SKAP2: variants seen among roughly 807,000 people sequenced by gnomAD.
SKAP2 encodes the protein src kinase-associated phosphoprotein 2.
In SKAP2, 28 loss-of-function variants were observed where a neutral mutation model predicts 54.9. The observed-to-expected ratio is 0.51, with a 90% CI of 0.38 to 0.70. SKAP2 has a LOEUF of 0.70. Ranked by LOEUF, SKAP2 falls within the 30% of genes least tolerant of loss-of-function variation. The probability of loss-of-function intolerance (pLI) is 0.00; values close to 1 mark genes in which losing one functional copy is unlikely to be tolerated. For synonymous variants in SKAP2, 137 were observed against 134.3 expected (o/e 1.02, Z -0.14); for missense variants, 356 against 424.1 (o/e 0.84, Z 1.41).
intron 4 of SKAP2, among the ~76,000 whole-genome samples, chr7:26,837,480 C>A (rs1310027215): frequency 2.6e-5 from 4 of 151,994 alleles, no homozygotes; most frequent in Admixed American, 2.6e-4. Flanking sequence ...GCACAACACA[C>A]GGTAAAAGAA....
At chr7:26,725,009 G>T (rs1474745283) in intron 9 of SKAP2, among the ~76,000 whole-genome samples, 1 of 152,092 alleles carries the variant, frequency 6.6e-6, no homozygotes, top group Non-Finnish European at 1.5e-5. Flanking sequence ...CGAGGCAGAA[G>T]TTGGTAACAT....
At chr7:26,721,950 T>G (rs1190281470) in intron 9 of SKAP2, among the ~76,000 whole-genome samples, 1 of 152,218 alleles carries the variant, frequency 6.6e-6, no homozygotes, top group Non-Finnish European at 1.5e-5. Context: ...TACAAACCTG[T>G]GCTGAGCCAA....
chr7:26,702,691 A>G (rs998771958), intron 9 of SKAP2, among the ~76,000 whole-genome samples: 5 of 152,160 alleles, frequency 3.3e-5, no homozygotes, highest in African/African-American at 1.2e-4. Context: ...GCTGTGCCCT[A>G]CAGTAATAGC....
At chr7:26,705,196 AT>A (rs58384394) in intron 9 of SKAP2, among the ~76,000 whole-genome samples, 1 of 152,072 alleles carries the variant, frequency 6.6e-6, no homozygotes, top group African/African-American at 2.4e-5. Context: ...ATAACAACTG[AT>A]TTTTTTTAAA....
At chr7:26,828,367 G>C (rs1471807140) in intron 4 of SKAP2, among the ~76,000 whole-genome samples, 1 of 152,120 alleles carries the variant, frequency 6.6e-6, no homozygotes, top group Non-Finnish European at 1.5e-5. Flanking sequence ...GAGAATTCAA[G>C]AGTTCACTGA....
At chr7:26,764,179 T>C (rs1392707698) in intron 4 of SKAP2, among the ~76,000 whole-genome samples, 2 of 152,194 alleles carry the variant, frequency 1.3e-5, no homozygotes, top group African/African-American at 4.8e-5. Context: ...CGTGACTTGA[T>C]ATGTATGTGT....
chr7:26,762,544 A>T (rs576155684), intron 4 of SKAP2, among the ~76,000 whole-genome samples: 2 of 152,246 alleles, frequency 1.3e-5, no homozygotes, highest in Admixed American at 1.3e-4. Flanking sequence ...TTAAAAAAAA[A>T]TAGTGATGCC....
At chr7:26,678,588 G>A (rs1030651185) in intron 11 of SKAP2, among the ~76,000 whole-genome samples, 8 of 151,644 alleles carry the variant, frequency 5.3e-5, no homozygotes, top group Non-Finnish European at 8.8e-5. Flanking sequence ...CTACAGGTGC[G>A]CACCACCACG....
chr7:26,839,259 T>G (rs1784772412), intron 4 of SKAP2, among the ~76,000 whole-genome samples: 1 of 152,140 alleles, frequency 6.6e-6, no homozygotes, highest in African/African-American at 2.4e-5. Context: ...ATATATACCT[T>G]GAGGATTAAA....
intron 4 of SKAP2, among the ~76,000 whole-genome samples, chr7:26,787,480 C>T (rs1341650158): frequency 2.0e-5 from 3 of 152,078 alleles, no homozygotes; most frequent in Non-Finnish European, 4.4e-5. Flanking sequence ...GCACCACCCA[C>T]GCCTGGCTAA....
chr7:26,707,274 T>G (rs554916042), intron 9 of SKAP2, among the ~76,000 whole-genome samples: 1 of 151,962 alleles, frequency 6.6e-6, no homozygotes, highest in South Asian at 2.1e-4. Flanking sequence ...GTGGGAGGAC[T>G]GCTTGAGCCC....
rs924911955 is a variant in SKAP2 at position 26,739,929 on chromosome 7, G to C, written c.343C>G (p.Pro115Ala). 8 of 1,611,994 alleles carry C rather than the reference G, an allele frequency of 5.0e-6. No individual in the cohort carries two copies. The highest frequency in any genetic ancestry group is 6.8e-6 in the Non-Finnish European group (8 of 1,179,310). ...AGGTAGCCAGCCTTTAGAACAAAAG[G>C]AAGGTCTTGTGCTGCAATTGGAGGA... ...QFPPIAAQDLPFVLKAGYLEK... is the reference protein window; with the variant it reads ...QFPPIAAQDLAFVLKAGYLEK... The change falls in exon 5 of 13, where the codon CCT becomes GCT. Residue 115 changes from proline to alanine, a missense_variant. By Grantham distance (27) the Pro-to-Ala change is conservative. Transcript: ENST00000345317.
At chr7:26,828,470 GATCAAGACC>G (rs1399217953) in intron 4 of SKAP2, among the ~76,000 whole-genome samples, 1 of 151,698 alleles carries the variant, frequency 6.6e-6, no homozygotes, top group Admixed American at 6.6e-5. Context: ...CAGGTCAGGA[GATCAAGACC>G]ATCCTGGCTA....
In SKAP2 at chr7:26,854,793, T is replaced by TAC; in HGVS notation, c.163_164dup (p.Lys56Ter). 6.3e-7 allele frequency: 1 copy of TAC among 1,598,042 alleles called. No homozygotes were observed. Among genetic ancestry groups the TAC allele is most frequent in the Non-Finnish European group, 8.6e-7 (1 of 1,169,188 alleles). ...AAAGGTAAGTGACTTACATAGACTT[T>TAC]ACATCTTTTATCTTCTTAATAAGGG... On this transcript the variant is annotated frameshift_variant, in exon 2 of 13. Transcript: ENST00000345317. LOFTEE classifies it high-confidence loss of function.
At chr7:26,726,037 G>T in intron 7 of SKAP2, 51 bp from the exon 8 acceptor site, 1 of 1,192,238 alleles carries the variant, frequency 8.4e-7, no homozygotes, top group South Asian at 1.2e-5. Flanking sequence ...AGGAATGAAA[G>T]GTATGTTGTA....
intron 3 of SKAP2, among the ~76,000 whole-genome samples, chr7:26,852,296 T>C (rs1164506604): frequency 1.3e-5 from 2 of 152,238 alleles, no homozygotes; most frequent in Non-Finnish European, 1.5e-5. Context: ...ATAATTACTT[T>C]GCAACTATTA....
At chr7:26,834,755 C>G (rs770743152) in intron 4 of SKAP2, among the ~76,000 whole-genome samples, 1 of 152,168 alleles carries the variant, frequency 6.6e-6, no homozygotes, top group Non-Finnish European at 1.5e-5. Flanking sequence ...CAGCCGAATT[C>G]TACCAGAGGT....
chr7:26,793,129 T>C (rs1335827511), intron 4 of SKAP2, among the ~76,000 whole-genome samples: 1 of 152,224 alleles, frequency 6.6e-6, no homozygotes, highest in Non-Finnish European at 1.5e-5. Flanking sequence ...ACCTACCTGC[T>C]GTTTCTAGGC....
At chr7:26,784,898 G>A (rs1387682207) in intron 4 of SKAP2, among the ~76,000 whole-genome samples, 2 of 152,106 alleles carry the variant, frequency 1.3e-5, no homozygotes, top group African/African-American at 4.8e-5. Flanking sequence ...AAATAAGAAT[G>A]AGCTAATGAA....
Sources: gnomAD v4.1 joint callset for allele counts (sites outside exome capture counted in the v4.1 genomes callset) on GRCh38, gnomAD v4.1.1 for gene constraint, MANE v1.5 for transcripts, NCBI Gene and HGNC (gene_info 2026-07-23, HGNC 2026-07-21) for gene names.